The following CRYBG2 variants were observed in gnomAD, a reference collection of about 807,000 sequenced individuals.
CRYBG2 encodes crystallin beta-gamma domain containing 2, also known as beta/gamma crystallin domain-containing protein 2.
CRYBG2 carries 106 observed loss-of-function variants against 153.4 expected under a neutral mutation model. The ratio of observed to expected loss-of-function variants is 0.69; its 90% CI spans 0.59 to 0.81. The LOEUF (loss-of-function observed/expected upper bound fraction) is 0.81. Ranked by LOEUF, CRYBG2 falls within the 30% of genes least tolerant of loss-of-function variation. CRYBG2 has a pLI of 0.00. For synonymous variants in CRYBG2, 851 were observed against 877.8 expected, an observed-to-expected ratio of 0.97 and a Z score of 0.54; for missense variants, 1,996 against 2,112.0, an observed-to-expected ratio of 0.95 and a Z score of 1.08.
At chr1:26,330,095 T>TA (rs1249760930) in intron 15 of CRYBG2, among the ~76,000 whole-genome samples, 2 of 152,216 alleles carry the variant, frequency 1.3e-5, no homozygotes, top group Admixed American at 1.3e-4. Flanking sequence ...ATTTCTCCTT[T>TA]TCATCTTCAT....
Position 26,322,313 on chromosome 1 carries a change from G to A in CRYBG2, c.4748C>T (p.Thr1583Ile). Residue 1583 changes from threonine (T) to isoleucine (I), a missense_variant, in exon 19 of 20, where the codon ACC becomes ATC. Physicochemically the swap from Thr to Ile is moderately conservative, Grantham distance 89 (BLOSUM62 -1). Coordinates refer to ENST00000308182, the MANE Select transcript of CRYBG2 (RefSeq NM_001039775.4). The stretch of plus-strand genomic sequence containing the variant: ...GGGTCCAATCACCTGTAGGCTCATG[G>A]TGGGGGCCATCTGAGGCCCCAGGAG... ...DGLLKNQMAP[T>I]MSLQVIGPPS... 6.2e-7 allele frequency: 1 copy of A among 1,611,692 alleles called. No homozygotes were observed. Among genetic ancestry groups the A allele is most frequent in the Non-Finnish European group, 8.5e-7 (1 of 1,178,836 alleles).
chr1:26,322,173 C>A lies in CRYBG2; in HGVS notation c.4888G>T (p.Asp1630Tyr), dbSNP rs768529243. 2 of 1,613,746 alleles carry A rather than the reference C, an allele frequency of 1.2e-6. No individual in the cohort carries two copies. The highest frequency in any genetic ancestry group is 1.7e-6 in the Non-Finnish European group (2 of 1,179,644). ...CSQMFEGQIL[D>Y]VKGGRGYDRD... is the part of the protein sequence containing the mutation. ...ATACATCCCACCTTACCCTTCACGT[C>A]CAGGATCTGGCCTTCGAACATCTGG... is the stretch of plus-strand genomic sequence containing the variant. Residue 1630 changes from aspartate (D) to tyrosine (Y), a missense_variant, in exon 19 of 20, where the codon GAC becomes TAC. Transcript: ENST00000308182.
intron 5 of CRYBG2, among the ~76,000 whole-genome samples, chr1:26,341,391 G>C (rs190621912): frequency 3.3e-5 from 5 of 152,216 alleles, no homozygotes; most frequent in Admixed American, 6.5e-5. Context: ...ATGCCTGATA[G>C]ACACTGCTTT....
chr1:26,344,772 T>A lies in CRYBG2; in HGVS notation c.1886A>T (p.Lys629Met). Residue 629 changes from lysine (K) to methionine (M), a missense_variant, in exon 2 of 20, where the codon AAG becomes ATG. Lys to Met is a moderately conservative substitution (Grantham distance 95). Transcript: ENST00000308182. Reference sequence around the variant, plus strand: ...TGGGCCCTGGACAACCTCAGTTGACTTGGGGGACAAGGCAGCAGGAGCACC... The same window carrying A: ...TGGGCCCTGGACAACCTCAGTTGACATGGGGGACAAGGCAGCAGGAGCACC... Reference protein sequence around the residue: ...GSGAPAALSPKSTEVVQGPKG... With the variant: ...GSGAPAALSPMSTEVVQGPKG... 6 of 1,535,672 alleles carry A rather than the reference T, an allele frequency of 3.9e-6. No homozygotes were observed. In the South Asian group the frequency reaches 7.1e-5, roughly 18 times the overall value.
Position 26,346,674 on chromosome 1 carries a change from C to G in CRYBG2, c.-17G>C. On this transcript the variant is annotated 5_prime_UTR_variant, in exon 2 of 20. Transcript: ENST00000308182. The surrounding 1 kb of genome is among the most constrained non-coding windows in gnomAD (Gnocchi z 4.9). ...CTCCTCCATGTGGGGCCCTGGCAAC[C>G]TGTCTGGAGGTGTCCTTGTCCCACT... 6.6e-7 allele frequency: 1 copy of G among 1,520,412 alleles called. No homozygotes were observed. The highest frequency in any genetic ancestry group is 8.8e-7 in the Non-Finnish European group (1 of 1,131,172). The allele number at this position is 1,520,412 out of a possible 1,614,324, so 94.2% of individuals were successfully genotyped here.
rs2074212944 is a variant in CRYBG2 at position 26,345,995 on chromosome 1, C to G, written c.663G>C (p.Val221=). ...TGGGCGAGCCTGGTGGGGAGCCCACCACCACTGGCGGCACCATGCGGGAGA... is the reference window on the plus strand; with the variant it reads ...TGGGCGAGCCTGGTGGGGAGCCCACGACCACTGGCGGCACCATGCGGGAGA... ...RQVSRMVPPV[V]VGSPPGSPSR... Residue 221 remains valine, a synonymous_variant, in exon 2 of 20, where the codon GTG becomes GTC. Transcript: ENST00000308182. 3.8e-6 allele frequency: 6 copies of G among 1,593,842 alleles called. No homozygotes were observed. The highest frequency in any genetic ancestry group is 1.7e-5 in the Admixed American group (1 of 59,700).
Position 26,339,777 on chromosome 1 carries a change from C to T in CRYBG2, c.3205-348G>A, listed in dbSNP as rs72649361. Among the ~76,000 whole-genome samples, 1,320 of 152,224 alleles carry T rather than the reference C, an allele frequency of 8.7e-3. 8 individuals are homozygous for T. Among genetic ancestry groups the T allele is most frequent in the South Asian group, 0.016 (79 of 4,810 alleles). On this transcript the variant is annotated intron_variant, in intron 5 of 19. Coordinates refer to ENST00000308182, the MANE Select transcript of CRYBG2 (RefSeq NM_001039775.4). ...AAGAAAGAAAAGATATATAAATAGC[C>T]CCCCTTGGACAACACCCCGCTTCCC... is the stretch of plus-strand genomic sequence containing the variant.
At chr1:26,326,902 C>T (rs1304375710) in intron 17 of CRYBG2, 1 of 486,368 alleles carries the variant, frequency 2.1e-6, no homozygotes, top group Non-Finnish European at 4.1e-6. Context: ...AAACAAAAAA[C>T]ATGTCAGGAG....
rs770463583 is a variant in CRYBG2 at position 26,342,791 on chromosome 1, C to T, written c.3167G>A (p.Ser1056Asn). The T allele has an allele frequency of 6.2e-7, 1 of 1,614,058 alleles. No homozygotes were observed. The highest frequency in any genetic ancestry group is 1.1e-5 in the South Asian group (1 of 91,082). Residue 1056 changes from serine (S) to asparagine (N), a missense_variant, in exon 5 of 20, where the codon AGT (serine) becomes AAT (asparagine). By Grantham distance (46) the Ser-to-Asn change is conservative. Coordinates refer to ENST00000308182, the MANE Select transcript of CRYBG2 (RefSeq NM_001039775.4). ...MELRTPGTKW[S>N]PQGIGSLRRV... ...CCTTAGGGAGCCGATGCCTTGGGGA[C>T]TCCACTTTGTCCCTGGGGTTCTGAG... is the stretch of plus-strand genomic sequence containing the variant.
At chr1:26,350,565 G>T (rs2124063687) in intron 1 of CRYBG2, among the ~76,000 whole-genome samples, 1 of 152,248 alleles carries the variant, frequency 6.6e-6, no homozygotes, top group African/African-American at 2.4e-5. Flanking sequence ...AAGTCACAGA[G>T]TAACCGAAAC....
At position 26,336,513 on chromosome 1, in the gene CRYBG2, C is replaced by G; in HGVS notation, c.4038+93G>C. ...CCCCGCCCCAAGCGCCCAGGCAGGT[C>G]CTCCAGCCCGCTACCTCTGCGTGGG... is the stretch of plus-strand genomic sequence containing the variant. On this transcript the variant is annotated intron_variant, in intron 12 of 19. Coordinates refer to ENST00000308182, the MANE Select transcript of CRYBG2 (RefSeq NM_001039775.4). This position sits in a 1 kb window ranked among gnomAD's most constrained non-coding sequence, Gnocchi z 4.9. The G allele has an allele frequency of 6.5e-7, 1 of 1,545,026 alleles. No homozygotes were observed. Among genetic ancestry groups the G allele is most frequent in the Non-Finnish European group, 8.7e-7 (1 of 1,143,986 alleles).
At position 26,324,142 on chromosome 1, in the gene CRYBG2, G is replaced by A. The variant is rs765372867; in HGVS notation, c.4737+10C>T. ...CCAGGGTGTCCCTGTGCCAGCCCCT[G>A]TATCAGTACCTGGTTCTTCAGCAGC... On this transcript the variant is annotated intron_variant, in intron 18 of 19. Coordinates refer to ENST00000308182, the MANE Select transcript of CRYBG2 (RefSeq NM_001039775.4). 6 of 1,611,666 alleles carry A rather than the reference G, an allele frequency of 3.7e-6. No individual in the cohort carries two copies. The South Asian group carries it at 5.5e-5, about 15-fold the overall frequency.
At chr1:26,334,286 G>A (rs891410406) in intron 14 of CRYBG2, among the ~76,000 whole-genome samples, 10 of 152,176 alleles carry the variant, frequency 6.6e-5, no homozygotes, top group East Asian at 5.8e-4. Flanking sequence ...TTAGCCGGGC[G>A]CGGTGGCGTG....
rs372544096 is a variant in CRYBG2 at position 26,346,087 on chromosome 1, G to A, written c.571C>T (p.Arg191Trp). 2.4e-4 allele frequency: 383 copies of A among 1,578,552 alleles called. No individual in the cohort carries two copies. The highest frequency in any genetic ancestry group is 3.2e-4 in the Non-Finnish European group (370 of 1,167,224). The change falls in exon 2 of 20, where the codon CGG (arginine) becomes TGG (tryptophan). Residue 191 changes from arginine (R) to tryptophan (W), a missense_variant. Physicochemically the swap from Arg to Trp is moderately radical, Grantham distance 101 (BLOSUM62 -3). Transcript: ENST00000308182. The surrounding 1 kb of genome is among the most constrained non-coding windows in gnomAD (Gnocchi z 4.9). Reference protein sequence around the residue: ...TTVVGGHVDRRMSSSVTVRPV... With the variant: ...TTVVGGHVDRWMSSSVTVRPV... ...CTCACAGTCACAGAGCTGCTCATCC[G>A]CCGGTCCACATGACCTCCCACCACT...
rs1263640595 is a variant in CRYBG2, at chr1:26,346,315, T to A, written c.343A>T (p.Lys115Ter). The change falls in exon 2 of 20, where the codon AAG (lysine) becomes TAG (stop). Residue 115 changes from lysine (K) to a stop codon, truncating the protein, a stop_gained. Coordinates refer to ENST00000308182, the MANE Select transcript of CRYBG2 (RefSeq NM_001039775.4). LOFTEE classifies it high-confidence loss of function. This position sits in a 1 kb window ranked among gnomAD's most constrained non-coding sequence, Gnocchi z 4.9. ...CCATCACTCTGGTCCACAGCCTCCT[T>A]CAGCCTCCCCTCAGGCCTTTTCTCC... The part of the protein sequence containing the change: ...PKEKRPEGRL[K>*]EAVDQSDGSR... 1.3e-6 allele frequency: 2 copies of A among 1,599,286 alleles called. No individual in the cohort carries two copies.
At position 26,343,917 on chromosome 1, in the gene CRYBG2, A is replaced by C. The variant is rs1432800285; in HGVS notation, c.2741T>G (p.Val914Gly). 1.3e-6 allele frequency: 2 copies of C among 1,538,186 alleles called. No homozygotes were observed. ...LGGSLLFGSLVPTAKEASTPE... is the reference protein window; with the variant it reads ...LGGSLLFGSLGPTAKEASTPE... ...GGTGGAGGCCTCCTTGGCGGTAGGC[A>C]CCAGACTGCCGAACAGAAGGCTGCC... The change falls in exon 2 of 20, where the codon GTG (valine) becomes GGG (glycine). Residue 914 changes from valine (V) to glycine (G), a missense_variant. By Grantham distance (109) the Val-to-Gly change is moderately radical. Coordinates refer to ENST00000308182, the MANE Select transcript of CRYBG2 (RefSeq NM_001039775.4). The surrounding 1 kb of genome is among the most constrained non-coding windows in gnomAD (Gnocchi z 4.1).
intron 14 of CRYBG2, among the ~76,000 whole-genome samples, chr1:26,332,517 T>G (rs2074009097): frequency 6.6e-6 from 1 of 151,990 alleles, no homozygotes; most frequent in Non-Finnish European, 1.5e-5. Context: ...TTGTTGTTGT[T>G]GTTGTTGAGA....
At chr1:26,338,244 G>C in intron 7 of CRYBG2, 107 bp downstream of exon 7, 1 of 1,504,736 alleles carries the variant, frequency 6.6e-7, no homozygotes, top group Non-Finnish European at 8.9e-7. Context: ...AAGGGGTGCT[G>C]TTTTACACTT....
In CRYBG2 at chr1:26,325,855, C is replaced by G. The variant is rs1291265815; in HGVS notation, c.4579-1545G>C. 6.6e-6 allele frequency among the ~76,000 whole-genome samples: 1 copy of G among 152,168 alleles called. No individual in the cohort carries two copies. On this transcript the variant is annotated intron_variant, in intron 17 of 19. Transcript: ENST00000308182. The surrounding 1 kb of genome is among the most constrained non-coding windows in gnomAD (Gnocchi z 4.1). Reference sequence around the variant, plus strand: ...GCAGTGCTTCCCCAAGTGAGGTATGCTTACTACCAGTGGGTGGTCCATGAG... The same window carrying G: ...GCAGTGCTTCCCCAAGTGAGGTATGGTTACTACCAGTGGGTGGTCCATGAG...
Sources: allele counts gnomAD v4.1 joint callset (sites outside exome capture counted in the v4.1 genomes callset), GRCh38; gene constraint gnomAD v4.1.1; non-coding constraint Gnocchi (gnomAD v3.1); transcripts MANE v1.5; gene names NCBI Gene and HGNC (gene_info 2026-07-23, HGNC 2026-07-21).